The following GRK2 variants were observed in gnomAD, a reference collection of about 807,000 sequenced individuals.
GRK2 encodes the protein adrenergic beta receptor kinase 1.
A neutral mutation model predicts 97.8 loss-of-function variants in GRK2; 23 were observed. The ratio of observed to expected loss-of-function variants is 0.24; its 90% confidence interval spans 0.17 to 0.33. The LOEUF (loss-of-function observed/expected upper bound fraction) is 0.33, where lower values mean the gene tolerates loss of function less well. GRK2 is among the 10% of genes least tolerant of loss of function. GRK2 has a pLI of 1.00. For missense variants in GRK2, 633 were observed against 956.9 expected, an observed-to-expected ratio of 0.66 and a Z score of 4.47; for synonymous variants, 425 against 381.7, an observed-to-expected ratio of 1.11 and a Z score of -1.32.
intron 2 of GRK2, among the ~76,000 whole-genome samples, chr11:67,278,706 C>T (rs903637592): frequency 6.6e-6 from 1 of 152,212 alleles, no homozygotes; most frequent in Non-Finnish European, 1.5e-5. Flanking sequence ...GGTGTGGCCT[C>T]AGAGCCCCCT....
At position 67,282,251 on chromosome 11, in the gene GRK2, T is replaced by C. The variant is rs1235343609; in HGVS notation, c.958-20T>C. On this transcript the variant is annotated intron_variant, in intron 11 of 20. Coordinates refer to ENST00000308595, the MANE Select transcript of GRK2 (RefSeq NM_001619.5). The surrounding 1 kb of genome is among the most constrained non-coding windows in gnomAD (Gnocchi z 6.9). The stretch of plus-strand genomic sequence containing the variant: ...CCCATCCTGAGCTGCCCCAGGCAGC[T>C]CACTGGGCTTCCTTCACAGCCAGCC... The C allele has an allele frequency of 6.2e-7, 1 of 1,611,534 alleles. No individual in the cohort carries two copies.
At chr11:67,268,551 A>G (rs1026236077) in intron 1 of GRK2, among the ~76,000 whole-genome samples, 1 of 151,570 alleles carries the variant, frequency 6.6e-6, no homozygotes, top group African/African-American at 2.4e-5. Flanking sequence ...CAGCCTCGAG[A>G]CCCTCCTGCA....
At chr11:67,280,831 C>T in intron 7 of GRK2, 48 bp downstream of exon 7, 3 of 1,603,896 alleles carry the variant, frequency 1.9e-6, no homozygotes, top group Middle Eastern at 1.7e-4. Context: ...CCTGCTGCTC[C>T]TCTCCCGGGA....
At chr11:67,275,352 A>G (rs1489053764) in intron 1 of GRK2, among the ~76,000 whole-genome samples, 1 of 152,188 alleles carries the variant, frequency 6.6e-6, no homozygotes, top group Non-Finnish European at 1.5e-5. Flanking sequence ...CTCTCCGCAG[A>G]CGGCTCTTCT....
At chr11:67,273,970 C>T (rs1322533847) in intron 1 of GRK2, among the ~76,000 whole-genome samples, 3 of 151,114 alleles carry the variant, frequency 2.0e-5, no homozygotes, top group African/African-American at 7.3e-5. Context: ...TGGCTACTCC[C>T]TGGCTCCTAG....
chr11:67,285,946 C>A lies in GRK2; in HGVS notation c.*496C>A, dbSNP rs1329978337. The A allele has an allele frequency of 3.9e-5, 9 of 229,820 alleles. No homozygotes were observed. Among genetic ancestry groups the A allele is most frequent in the African/African-American group, 1.9e-4 (8 of 42,640 alleles). The allele number at this position is 229,820 out of a possible 1,614,324, so 14.2% of individuals were successfully genotyped here. On this transcript the variant is annotated 3_prime_UTR_variant, in exon 21 of 21. Coordinates refer to ENST00000308595, the MANE Select transcript of GRK2 (RefSeq NM_001619.5). ...AGGGGCCCGTTGTCTCCCTGGCCCT[C>A]AAGGCCTCCCACAGTGACTCGGGCT...
chr11:67,270,702 G>A (rs957538097), intron 1 of GRK2, among the ~76,000 whole-genome samples: 1 of 152,162 alleles, frequency 6.6e-6, no homozygotes, highest in Non-Finnish European at 1.5e-5. Context: ...CTCCCTCTGG[G>A]CCTTTGAAGC....
intron 15 of GRK2, 101 bp downstream of exon 15, chr11:67,283,329 T>C: frequency 9.3e-7 from 1 of 1,071,462 alleles, no homozygotes; most frequent in Middle Eastern, 2.4e-4. Context: ...CCAGCCTCCT[T>C]GGAGGAGCTC....
Position 67,266,640 on chromosome 11 carries a change from G to C in GRK2, c.-60G>C, listed in dbSNP as rs1426987750. 1 of 795,156 alleles carries C rather than the reference G, an allele frequency of 1.3e-6. No individual in the cohort carries two copies. Among genetic ancestry groups the C allele is most frequent in the Non-Finnish European group, 1.5e-6 (1 of 648,380 alleles). 49.3% of individuals were successfully genotyped at this position (795,156 alleles called of 1,614,324 possible). On this transcript the variant is annotated 5_prime_UTR_variant, in exon 1 of 21. Coordinates refer to ENST00000308595, the MANE Select transcript of GRK2 (RefSeq NM_001619.5). The stretch of plus-strand genomic sequence containing the variant: ...CCGCGGCCGGGCCGGGCCGAGCGCC[G>C]AGCGAGCAGGAGCGGCGGCGGCGGC...
At chr11:67,274,144 C>G (rs1366374656) in intron 1 of GRK2, among the ~76,000 whole-genome samples, 2 of 151,848 alleles carry the variant, frequency 1.3e-5, no homozygotes, top group South Asian at 2.1e-4. Flanking sequence ...TCCTGAGTAG[C>G]TGGGACTACA....
At chr11:67,266,972 C>G (rs1292473608) in intron 1 of GRK2, among the ~76,000 whole-genome samples, 160 bp downstream of exon 1, 1 of 151,864 alleles carries the variant, frequency 6.6e-6, no homozygotes, top group East Asian at 2.0e-4. Flanking sequence ...GGCCTTGGCG[C>G]CTGCGGGTCC....
chr11:67,277,967 G>T (rs1456816140), intron 2 of GRK2, among the ~76,000 whole-genome samples: 1 of 152,226 alleles, frequency 6.6e-6, no homozygotes, highest in South Asian at 2.1e-4. Flanking sequence ...CTGGCCTGAT[G>T]GGATCAGGCA....
chr11:67,282,059 G>T lies in GRK2; in HGVS notation c.957+107G>T. 6.9e-7 allele frequency: 1 copy of T among 1,451,762 alleles called. No homozygotes were observed. 89.9% of individuals were successfully genotyped at this position (1,451,762 alleles called of 1,614,324 possible). Reference sequence around the variant, plus strand: ...GGAGTGGGGCTCCTGGGACATGGCCGCCCCGTATCTTCCCATCTCCGCCCC... The same window carrying T: ...GGAGTGGGGCTCCTGGGACATGGCCTCCCCGTATCTTCCCATCTCCGCCCC... On this transcript the variant is annotated intron_variant, in intron 11 of 20. Transcript: ENST00000308595. The surrounding 1 kb of genome is among the most constrained non-coding windows in gnomAD (Gnocchi z 6.9).
intron 2 of GRK2, 138 bp downstream of exon 2, chr11:67,277,486 C>T (rs944335486): frequency 4.6e-5 from 35 of 760,378 alleles, no homozygotes; most frequent in Middle Eastern, 4.7e-4. Context: ...GACCCCAGGG[C>T]TTGCTCCAAG....
In GRK2 at chr11:67,284,885, A is replaced by G. The variant is rs763393507; in HGVS notation, c.1693A>G (p.Met565Val). The change falls in exon 19 of 21, where the codon ATG becomes GTG. Residue 565 changes from methionine (M) to valine (V), a missense_variant. Physicochemically the swap from Met to Val is conservative, Grantham distance 21. Coordinates refer to ENST00000308595, the MANE Select transcript of GRK2 (RefSeq NM_001619.5). ...CAAGGACTGCATCATGCATGGCTAC[A>G]TGTCCAAGATGGGCAACCCCTTCCT... ...LGKDCIMHGYMSKMGNPFLTQ... is the reference protein window; with the variant it reads ...LGKDCIMHGYVSKMGNPFLTQ... The G allele has an allele frequency of 2.5e-6, 4 of 1,613,330 alleles. No individual in the cohort carries two copies. Among genetic ancestry groups the G allele is most frequent in the African/African-American group, 1.3e-5 (1 of 74,932 alleles).
In GRK2 at chr11:67,276,217, A is replaced by T. The variant is rs1050482900; in HGVS notation, c.114-1055A>T. Among the ~76,000 whole-genome samples, 1 of 152,190 alleles carries T rather than the reference A, an allele frequency of 6.6e-6. No individual in the cohort carries two copies. The highest frequency in any genetic ancestry group is 1.5e-5 in the Non-Finnish European group (1 of 68,028). ...GTCCCTTCAGGCCCCCAGCCTTGCA[A>T]TGCCCTCAGCATGGCAGCTACACGT... On this transcript the variant is annotated intron_variant, in intron 1 of 20. Coordinates refer to ENST00000308595, the MANE Select transcript of GRK2 (RefSeq NM_001619.5). The surrounding 1 kb of genome is among the most constrained non-coding windows in gnomAD (Gnocchi z 4.2).
Position 67,282,851 on chromosome 11 carries a change from G to C in GRK2, c.1227+33G>C. The C allele has an allele frequency of 6.3e-7, 1 of 1,590,246 alleles. No individual in the cohort carries two copies. Among genetic ancestry groups the C allele is most frequent in the Non-Finnish European group, 8.5e-7 (1 of 1,171,298 alleles). ...CAGGTCTCAGTGCAGGGCCGCAGGG[G>C]GCTGGGGGGAGCTCCTGTGGGTGCC... On this transcript the variant is annotated intron_variant, in intron 14 of 20. Coordinates refer to ENST00000308595, the MANE Select transcript of GRK2 (RefSeq NM_001619.5). The surrounding 1 kb of genome is among the most constrained non-coding windows in gnomAD (Gnocchi z 6.9).
intron 2 of GRK2, among the ~76,000 whole-genome samples, chr11:67,277,669 G>A (rs556996155): frequency 6.6e-6 from 1 of 152,378 alleles, no homozygotes; most frequent in African/African-American, 2.4e-5. Context: ...TGGGCCGTTG[G>A]TAGAACTGAC....
chr11:67,279,588 C>G (rs1860106599), intron 4 of GRK2, 38 bp from the exon 5 acceptor site: 2 of 1,612,670 alleles, frequency 1.2e-6, no homozygotes, highest in Admixed American at 1.7e-5. Flanking sequence ...GAAGAGAGGA[C>G]CCTGCTGAGA....
Sources: gnomAD v4.1 joint callset for allele counts (sites outside exome capture counted in the v4.1 genomes callset) on GRCh38, gnomAD v4.1.1 for gene constraint, Gnocchi (gnomAD v3.1) non-coding constraint, MANE v1.5 for transcripts, NCBI Gene and HGNC (gene_info 2026-07-23, HGNC 2026-07-21) for gene names.